BST1: variants seen among roughly 807,000 people sequenced by gnomAD.
BST1 encodes ADP-ribosyl cyclase/cyclic ADP-ribose hydrolase 2.
A neutral mutation model predicts 40.6 loss-of-function variants in BST1; 49 were observed. The ratio of observed to expected loss-of-function variants is 1.21; its 90% CI spans 0.96 to 1.53. BST1 has a LOEUF of 1.53. BST1 is among the 40% of genes most tolerant of loss of function. The probability of loss-of-function intolerance (pLI) is 0.00; values close to 1 mark genes in which losing one functional copy is unlikely to be tolerated. For synonymous variants in BST1, 157 were observed against 159.3 expected, an observed-to-expected ratio of 0.99 and a Z score of 0.11; for missense variants, 423 against 395.9, an observed-to-expected ratio of 1.07 and a Z score of -0.58.
At chr4:15,703,714 G>GA (rs1491577681) in intron 1 of BST1, among the ~76,000 whole-genome samples, 6 of 139,912 alleles carry the variant, frequency 4.3e-5, no homozygotes, top group East Asian at 4.3e-4. Flanking sequence ...CTCTAGAGGT[G>GA]GGGGTGTGTG....
At chr4:15,721,454 A>G (rs1267664627) in intron 7 of BST1, among the ~76,000 whole-genome samples, 1 of 152,224 alleles carries the variant, frequency 6.6e-6, no homozygotes, top group Non-Finnish European at 1.5e-5. Flanking sequence ...CATCACATAT[A>G]CACCATGGAA....
chr4:15,754,943 G>C, the BST1 span, among the ~76,000 whole-genome samples: 2 of 152,074 alleles, frequency 1.3e-5, no homozygotes, highest in African/African-American at 4.8e-5. Context: ...TTACACAAAA[G>C]GAAGCATTAA....
At chr4:15,723,029 C>T in intron 8 of BST1, 95 bp downstream of exon 8, 1 of 1,148,268 alleles carries the variant, frequency 8.7e-7, no homozygotes, top group South Asian at 1.3e-5. Context: ...TTATCAGAGG[C>T]AGATGTAAGT....
At chr4:15,719,120 G>T (rs1720669155) in intron 7 of BST1, 127 bp downstream of exon 7, 2 of 761,034 alleles carry the variant, frequency 2.6e-6, no homozygotes, top group African/African-American at 1.8e-5. Context: ...TGGCTTCTCG[G>T]TGTGGAGGCA....
At chr4:15,703,628 A>AGG (rs201773479) in intron 1 of BST1, among the ~76,000 whole-genome samples, 1 of 71,422 alleles carries the variant, frequency 1.4e-5, no homozygotes, top group African/African-American at 5.2e-5. Flanking sequence ...TCTAGAGGTG[A>AGG]GGGGGGTGTG....
chr4:15,757,212 T>A, the BST1 span, among the ~76,000 whole-genome samples: 5 of 152,186 alleles, frequency 3.3e-5, no homozygotes. Context: ...CTATATAAGC[T>A]TCAATCATCT....
chr4:15,730,824 A>G (rs922204696), intron 8 of BST1: 2 of 162,304 alleles, frequency 1.2e-5, no homozygotes, highest in South Asian at 3.6e-4. Context: ...TTTCTATGGA[A>G]AGTGCAAATG....
intron 6 of BST1, among the ~76,000 whole-genome samples, chr4:15,718,267 GTGTC>G (rs780088486): frequency 2.7e-5 from 4 of 149,284 alleles, no homozygotes; most frequent in Non-Finnish European, 5.9e-5. Context: ...GTGTGTGTGT[GTGTC>G]TGTGTATACA....
the BST1 span, among the ~76,000 whole-genome samples, chr4:15,763,051 C>T: frequency 6.6e-6 from 1 of 151,842 alleles, no homozygotes; most frequent in Non-Finnish European, 1.5e-5. Flanking sequence ...TTCAAAAAAC[C>T]ATGCATTACA....
downstream of BST1, among the ~76,000 whole-genome samples, chr4:15,740,454 C>T (rs1477562196): frequency 6.6e-6 from 1 of 152,030 alleles, no homozygotes; most frequent in East Asian, 1.9e-4. Flanking sequence ...AGTCTAGTAT[C>T]GGGAGAGGAG....
At chr4:15,733,037 A>G (rs181833131), downstream of BST1, among the ~76,000 whole-genome samples, 112 of 152,296 alleles carry the variant, frequency 7.4e-4, no homozygotes, top group Admixed American at 1.4e-3. Context: ...TGCGGACCCA[A>G]AGAGTGAGCA....
chr4:15,749,163 T>C, the BST1 span, among the ~76,000 whole-genome samples: 1 of 152,162 alleles, frequency 6.6e-6, no homozygotes, highest in Non-Finnish European at 1.5e-5. Flanking sequence ...CCAGGAAGGA[T>C]ATTAATTCCT....
chr4:15,769,303 A>G, the BST1 span, among the ~76,000 whole-genome samples: 2 of 152,206 alleles, frequency 1.3e-5, no homozygotes, highest in African/African-American at 2.4e-5. Context: ...TTGAGTGCCA[A>G]CCACATACTG....
the BST1 span, among the ~76,000 whole-genome samples, chr4:15,766,321 G>A: frequency 6.6e-6 from 1 of 151,974 alleles, no homozygotes; most frequent in Non-Finnish European, 1.5e-5. Flanking sequence ...AAAACAACTG[G>A]ATGAGGGAGG....
At chr4:15,744,824 A>G in the BST1 span, among the ~76,000 whole-genome samples, 1 of 152,366 alleles carries the variant, frequency 6.6e-6, no homozygotes, top group South Asian at 2.1e-4. Context: ...CGTGTTAGAA[A>G]CAAGGATAAT....
At chr4:15,736,874 C>A (rs1029212287), downstream of BST1, among the ~76,000 whole-genome samples, 1 of 152,196 alleles carries the variant, frequency 6.6e-6, no homozygotes, top group African/African-American at 2.4e-5. Context: ...TAATGCTTTA[C>A]CCTGACCAGC....
At chr4:15,706,676 G>A (rs1719895173) in intron 2 of BST1, among the ~76,000 whole-genome samples, 1 of 152,178 alleles carries the variant, frequency 6.6e-6, no homozygotes, top group Admixed American at 6.5e-5. Context: ...GAACTGTGAG[G>A]TTCAAAGATA....
intron 8 of BST1, among the ~76,000 whole-genome samples, chr4:15,729,321 T>C (rs1338409615): frequency 1.3e-5 from 2 of 152,086 alleles, no homozygotes; most frequent in Admixed American, 1.3e-4. Context: ...CTGGGTATGT[T>C]GGTGTGCACC....
At chr4:15,705,233 C>T (rs1190798423) in intron 1 of BST1, among the ~76,000 whole-genome samples, 1 of 151,838 alleles carries the variant, frequency 6.6e-6, no homozygotes, top group Non-Finnish European at 1.5e-5. Context: ...CTGAATTTGT[C>T]ACCTCCTGCT....
Sources: gnomAD v4.1 joint callset for allele counts (sites outside exome capture counted in the v4.1 genomes callset) on GRCh38, gnomAD v4.1.1 for gene constraint, MANE v1.5 for transcripts, NCBI Gene and HGNC (gene_info 2026-07-23, HGNC 2026-07-21) for gene names.